GARRE1: variants seen among roughly 807,000 people sequenced by gnomAD.
The protein encoded by GARRE1 is granule associated Rac and RHOG effector 1, also known as granule associated Rac and RHOG effector protein 1.
Under a neutral mutation model 103.2 loss-of-function variants are expected in GARRE1, and 49 were observed. That is an observed-to-expected ratio of 0.47 (90% CI 0.38 to 0.60). GARRE1 has a LOEUF of 0.60. GARRE1 is among the 20% of genes least tolerant of loss of function. The pLI, the probability that GARRE1 is intolerant of heterozygous loss-of-function variation, is 0.00. For synonymous variants in GARRE1, 505 were observed against 532.8 expected (o/e 0.95, Z 0.72); for missense variants, 1,199 against 1,370.5 (o/e 0.87, Z 1.98).
chr19:34,328,589 G>C (rs1202525726), intron 6 of GARRE1, among the ~76,000 whole-genome samples: 1 of 151,510 alleles, frequency 6.6e-6, no homozygotes, highest in Non-Finnish European at 1.5e-5. Context: ...CATTTGCCAA[G>C]CAAGTTTTCG....
chr19:34,305,367 C>G (rs1476983397), intron 2 of GARRE1, among the ~76,000 whole-genome samples: 4 of 152,140 alleles, frequency 2.6e-5, no homozygotes, highest in Non-Finnish European at 5.9e-5. Flanking sequence ...TATGGCAAGA[C>G]AATAGTTAGG....
intron 3 of GARRE1, among the ~76,000 whole-genome samples, chr19:34,322,626 C>A (rs1178143912): frequency 6.6e-6 from 1 of 151,882 alleles, no homozygotes; most frequent in African/African-American, 2.4e-5. Flanking sequence ...CTTGCTCCTT[C>A]GCCCAGGCTG....
rs1268359215 is a variant in GARRE1 at position 34,329,887 on chromosome 19, G to A, written c.1105-302G>A. ...TTTCCCAGGAGTTCAAGACTAGCCT[G>A]GGCAACATAGCAAGACTCCACGTCT... On this transcript the variant is annotated intron_variant, in intron 6 of 13. Coordinates refer to ENST00000299505, the MANE Select transcript of GARRE1 (RefSeq NM_014686.5). Among the ~76,000 whole-genome samples the A allele has an allele frequency of 2.6e-5, 4 of 152,030 alleles. No homozygotes were observed. The East Asian group carries it at 7.7e-4, about 29-fold the overall frequency.
chr19:34,295,611 C>G (rs990302559), intron 1 of GARRE1, among the ~76,000 whole-genome samples: 4 of 152,078 alleles, frequency 2.6e-5, no homozygotes, highest in Non-Finnish European at 5.9e-5. Context: ...CCCACTGCAG[C>G]TTAAAACTCC....
Position 34,339,999 on chromosome 19 carries a change from G to C in GARRE1, c.1487+7G>C, listed in dbSNP as rs1235332555. ...ACCGCTGGAGGGCTGGAAGGTTGGTGTCTGTGGTTTGCATTAGATGCATAC... is the reference window on the plus strand; with the variant it reads ...ACCGCTGGAGGGCTGGAAGGTTGGTCTCTGTGGTTTGCATTAGATGCATAC... On this transcript the variant is annotated splice_region_variant and intron_variant, in intron 9 of 13. Coordinates refer to ENST00000299505, the MANE Select transcript of GARRE1 (RefSeq NM_014686.5). The C allele has an allele frequency of 6.2e-7, 1 of 1,614,200 alleles. No individual in the cohort carries two copies.
intron 1 of GARRE1, among the ~76,000 whole-genome samples, chr19:34,262,768 T>C (rs141114192): frequency 2.0e-4 from 30 of 152,348 alleles, no homozygotes; most frequent in African/African-American, 7.0e-4. Flanking sequence ...TCTTAGAATT[T>C]AATAAAAACA....
chr19:34,352,538 G>A (rs2074244007), intron 13 of GARRE1, 109 bp from the exon 14 acceptor site: 1 of 859,676 alleles, frequency 1.2e-6, no homozygotes, highest in Non-Finnish European at 1.9e-6. Flanking sequence ...GGAGTGAGTG[G>A]GGCTCTCACC....
chr19:34,301,513 CAAAAAAAAAAAAAA>C (rs57777660), intron 2 of GARRE1, among the ~76,000 whole-genome samples: 2 of 85,400 alleles, frequency 2.3e-5, no homozygotes, highest in Admixed American at 1.4e-4. Context: ...GACCATGTCT[CAAAAAAAAAAAAAA>C]AAAAAAAAAA....
chr19:34,307,867 G>A (rs944436975), intron 2 of GARRE1, among the ~76,000 whole-genome samples: 31 of 143,606 alleles, frequency 2.2e-4, no homozygotes, highest in African/African-American at 7.0e-4. Context: ...GGCTAGCCTC[G>A]AACTCTTGGG....
intron 2 of GARRE1, among the ~76,000 whole-genome samples, chr19:34,315,922 T>C (rs181198764): frequency 6.6e-6 from 1 of 152,310 alleles, no homozygotes; most frequent in East Asian, 1.9e-4. Context: ...TCCTCCACCA[T>C]CAAGGGTTGC....
At chr19:34,333,938 G>A (rs1319366252) in intron 8 of GARRE1, 137 bp downstream of exon 8, 11 of 666,034 alleles carry the variant, frequency 1.7e-5, no homozygotes, top group Non-Finnish European at 2.7e-5. Flanking sequence ...TTTATGGGCA[G>A]CAGTGGTATG....
In GARRE1 at chr19:34,355,179, A is replaced by G. The variant is rs532994997; in HGVS notation, c.*2224A>G. On this transcript the variant is annotated 3_prime_UTR_variant, in exon 14 of 14. Transcript: ENST00000299505. ...AGGTCAATCCTTGATGCTCCAGCAC[A>G]GGTGACGTCACTAATTGTCACTTTC... 1.3e-5 allele frequency: 2 copies of G among 152,818 alleles called. No homozygotes were observed. Among genetic ancestry groups the G allele is most frequent in the South Asian group, 4.1e-4 (2 of 4,832 alleles). The allele number at this position is 152,818 out of a possible 1,614,324, so 9.5% of individuals were successfully genotyped here. A position where few individuals can be genotyped will look rare whatever the true frequency, so the allele number is the denominator to read the frequency against.
intron 12 of GARRE1, among the ~76,000 whole-genome samples, chr19:34,349,602 A>C (rs928302130): frequency 6.6e-6 from 1 of 152,246 alleles, no homozygotes; most frequent in African/African-American, 2.4e-5. Context: ...AAGTAGTCAC[A>C]AAAATTAAAA....
chr19:34,255,673 C>CT (rs11307030), intron 1 of GARRE1, among the ~76,000 whole-genome samples: 19,401 of 143,498 alleles, frequency 0.14, 1,721 homozygotes, highest in Non-Finnish European at 0.2. Flanking sequence ...TTGATATGGT[C>CT]TTTTTTTTTT....
Position 34,348,997 on chromosome 19 carries a change from TTCTC to T in GARRE1, c.2688-13_2688-10del. 1 of 1,608,510 alleles carries T rather than the reference TTCTC, an allele frequency of 6.2e-7. No homozygotes were observed. The highest frequency in any genetic ancestry group is 8.5e-7 in the Non-Finnish European group (1 of 1,179,846). ...GGGCTGCAGGAGGCCCTGGCCCAGC[TTCTC>T]TCTCTGGCTTTCAGGGATGGCCTGC... is the stretch of plus-strand genomic sequence containing the variant. On this transcript the variant is annotated splice_polypyrimidine_tract_variant and intron_variant, in intron 11 of 13. Coordinates refer to ENST00000299505, the MANE Select transcript of GARRE1 (RefSeq NM_014686.5).
Position 34,300,794 on chromosome 19 carries a change from C to G in GARRE1, c.321C>G (p.Asn107Lys). 3 of 1,614,224 alleles carry G rather than the reference C, an allele frequency of 1.9e-6. No individual in the cohort carries two copies. Among genetic ancestry groups the G allele is most frequent in the South Asian group, 2.2e-5 (2 of 91,088 alleles). Reference protein sequence around the residue: ...LTDLFSTVFRNSHYSKAATQL... With the variant: ...LTDLFSTVFRKSHYSKAATQL... ...ATCTCTTCAGCACTGTGTTCAGGAA[C>G]TCTCACTACTCAAAGGCAGCCACAC... Residue 107 changes from asparagine (N) to lysine (K), a missense_variant, in exon 2 of 14, where the codon AAC (asparagine) becomes AAG (lysine). Coordinates refer to ENST00000299505, the MANE Select transcript of GARRE1 (RefSeq NM_014686.5).
At chr19:34,324,482 C>T (rs2074102888) in intron 3 of GARRE1, among the ~76,000 whole-genome samples, 1 of 149,816 alleles carries the variant, frequency 6.7e-6, no homozygotes, top group African/African-American at 2.4e-5. Context: ...ATATTTTTAA[C>T]AGAAAAATAT....
chr19:34,284,120 C>T (rs1161134155), intron 1 of GARRE1, among the ~76,000 whole-genome samples: 2 of 136,912 alleles, frequency 1.5e-5, no homozygotes, highest in Non-Finnish European at 1.5e-5. Context: ...ATTACAGGCC[C>T]GGCTTTCTTT....
intron 1 of GARRE1, among the ~76,000 whole-genome samples, chr19:34,267,049 A>G (rs938858502): frequency 6.6e-6 from 1 of 152,168 alleles, no homozygotes; most frequent in African/African-American, 2.4e-5. Context: ...GGATCGCTTG[A>G]GGCCAGGAGT....
Sources: gnomAD v4.1 joint callset for allele counts (sites outside exome capture counted in the v4.1 genomes callset) on GRCh38, gnomAD v4.1.1 for gene constraint, MANE v1.5 for transcripts, NCBI Gene and HGNC (gene_info 2026-07-23, HGNC 2026-07-21) for gene names.